The following EXPH5 variants were observed in gnomAD, a reference collection of about 807,000 sequenced individuals.
The protein encoded by EXPH5 is exophilin 5, also known as exophilin-5.
Under a neutral mutation model 41.1 loss-of-function variants are expected in EXPH5, and 42 were observed. The ratio of observed to expected loss-of-function variants is 1.02; its 90% CI spans 0.80 to 1.32. The LOEUF is 1.32. Among genes scored for constraint, EXPH5 ranks in the 40% most tolerant of loss-of-function variants. EXPH5 has a pLI of 0.00. For synonymous variants in EXPH5, 798 were observed against 833.5 expected (o/e 0.96, Z 0.73); for missense variants, 2,298 against 2,314.5 (o/e 0.99, Z 0.15).
intron 1 of EXPH5, among the ~76,000 whole-genome samples, chr11:108,577,807 A>AT (rs976185193): frequency 6.6e-6 from 1 of 151,916 alleles, no homozygotes; most frequent in African/African-American, 2.4e-5. Context: ...GATGTTTAGC[A>AT]TTTTTTCATA....
chr11:108,518,286 C>G lies in EXPH5; in HGVS notation c.580G>C (p.Gly194Arg). ...PKPAVMREES[G>R]MPPPWDASLL... ...GAAGCATCCCACGGTGGAGGCATGC[C>G]ACTCTCCTCCCTCATGACTGCTGGC... Residue 194 changes from glycine to arginine, a missense_variant, in exon 5 of 6, where the codon GGC (glycine) becomes CGC (arginine). Physicochemically the swap from Gly to Arg is moderately radical, Grantham distance 125. Transcript: ENST00000265843. 6.2e-7 allele frequency: 1 copy of G among 1,613,486 alleles called. No homozygotes were observed. The highest frequency in any genetic ancestry group is 1.7e-5 in the Admixed American group (1 of 59,998).
chr11:108,605,551 T>C, the EXPH5 span, among the ~76,000 whole-genome samples: 3 of 152,160 alleles, frequency 2.0e-5, no homozygotes, highest in African/African-American at 4.8e-5. Context: ...TCCTACATTA[T>C]ACAGGACAGC....
At chr11:108,605,335 G>A in the EXPH5 span, among the ~76,000 whole-genome samples, 9 of 152,284 alleles carry the variant, frequency 5.9e-5, no homozygotes, top group South Asian at 1.9e-3. Flanking sequence ...GAAAGTCATG[G>A]AAAATAGCTG....
At chr11:108,580,569 G>T (rs1297648120) in intron 1 of EXPH5, among the ~76,000 whole-genome samples, 1 of 152,132 alleles carries the variant, frequency 6.6e-6, no homozygotes, top group Non-Finnish European at 1.5e-5. Flanking sequence ...ATACCCAAAA[G>T]AAAGGATATC....
chr11:108,562,793 T>C (rs555154512), intron 1 of EXPH5, among the ~76,000 whole-genome samples: 69 of 152,198 alleles, frequency 4.5e-4, no homozygotes, highest in African/African-American at 1.5e-3. Flanking sequence ...TGAGATCCTG[T>C]CTCCATTTAA....
chr11:108,580,021 C>T (rs2094093153), intron 1 of EXPH5, among the ~76,000 whole-genome samples: 1 of 152,092 alleles, frequency 6.6e-6, no homozygotes, highest in Non-Finnish European at 1.5e-5. Flanking sequence ...ACCTCAAAAA[C>T]ATAGGCAACA....
Position 108,539,217 on chromosome 11 carries a change from C to CA in EXPH5, c.281-32dup, listed in dbSNP as rs778790554. ...AAAAAAAATTGTAAAAATTTTGCAT[C>CA]AATTACTTCCAAGTAAATATACTTG... is the stretch of plus-strand genomic sequence containing the variant. On this transcript the variant is annotated intron_variant, in intron 2 of 5. Coordinates refer to ENST00000265843, the MANE Select transcript of EXPH5 (RefSeq NM_015065.3). 5 of 1,442,456 alleles carry CA rather than the reference C, an allele frequency of 3.5e-6. 1 individual carries two copies. The allele number at this position is 1,442,456 out of a possible 1,614,324, so 89.4% of individuals were successfully genotyped here.
chr11:108,540,056 G>A (rs1052613315), intron 2 of EXPH5, among the ~76,000 whole-genome samples: 29 of 152,030 alleles, frequency 1.9e-4, no homozygotes, highest in Admixed American at 1.2e-3. Flanking sequence ...GGTAGCTCAC[G>A]CCTGTAATCC....
At chr11:108,525,065 T>G (rs1419913344) in intron 4 of EXPH5, among the ~76,000 whole-genome samples, 1 of 152,196 alleles carries the variant, frequency 6.6e-6, no homozygotes, top group African/African-American at 2.4e-5. Flanking sequence ...GATGGTTTTA[T>G]AAGAGGTTTT....
At chr11:108,565,376 C>A (rs2094030233) in intron 1 of EXPH5, among the ~76,000 whole-genome samples, 1 of 152,208 alleles carries the variant, frequency 6.6e-6, no homozygotes, top group Non-Finnish European at 1.5e-5. Context: ...CTATTTCACA[C>A]TAACTGGGGA....
intron 1 of EXPH5, among the ~76,000 whole-genome samples, chr11:108,591,084 G>T (rs937552020): frequency 5.3e-5 from 8 of 152,138 alleles, no homozygotes; most frequent in Admixed American, 5.2e-4. Flanking sequence ...GACCCTTATT[G>T]TTCTAGTCAA....
chr11:108,542,677 T>C (rs1378772287), intron 1 of EXPH5, among the ~76,000 whole-genome samples: 3 of 152,154 alleles, frequency 2.0e-5, no homozygotes, highest in Non-Finnish European at 2.9e-5. Context: ...AGATAAAAGC[T>C]AACATGCAGA....
At chr11:108,577,486 C>T (rs781406776) in intron 1 of EXPH5, among the ~76,000 whole-genome samples, 59 of 151,820 alleles carry the variant, frequency 3.9e-4, no homozygotes, top group Non-Finnish European at 6.3e-4. Context: ...TGCAATGGCG[C>T]GATCTCGGCT....
At chr11:108,587,125 C>A (rs1045572506) in intron 1 of EXPH5, among the ~76,000 whole-genome samples, 1 of 151,594 alleles carries the variant, frequency 6.6e-6, no homozygotes, top group Non-Finnish European at 1.5e-5. Flanking sequence ...CTTTTCTTTT[C>A]TTTTATTATT....
intron 1 of EXPH5, among the ~76,000 whole-genome samples, chr11:108,542,476 A>C (rs768969163): frequency 1.3e-5 from 2 of 152,212 alleles, no homozygotes; most frequent in Non-Finnish European, 2.9e-5. Context: ...ATGCAATTAA[A>C]TGATAGATGT....
rs866115440 is a variant in EXPH5 at position 108,511,410 on chromosome 11, A to G, written c.4097T>C (p.Ile1366Thr). 1 of 1,590,094 alleles carries G rather than the reference A, an allele frequency of 6.3e-7. No individual in the cohort carries two copies. Among genetic ancestry groups the G allele is most frequent in the Non-Finnish European group, 8.5e-7 (1 of 1,171,538 alleles). Residue 1366 changes from isoleucine (I) to threonine (T), a missense_variant, in exon 6 of 6, where the codon ATT becomes ACT. Physicochemically the swap from Ile to Thr is moderately conservative, Grantham distance 89. Transcript: ENST00000265843. Reference protein sequence around the residue: ...LPEEESKAREIFSDNLAKTPL... With the variant: ...LPEEESKARETFSDNLAKTPL... The stretch of plus-strand genomic sequence containing the variant: ...TGTTTTAGCTAAATTATCTGAAAAA[A>G]TCTCTCTAGCTTTAGATTCCTCTTC...
intron 3 of EXPH5, among the ~76,000 whole-genome samples, chr11:108,532,924 C>T (rs917091702): frequency 2.0e-5 from 3 of 152,160 alleles, no homozygotes; most frequent in African/African-American, 7.2e-5. Flanking sequence ...TAGCATTGTT[C>T]TTGTGTGTTT....
chr11:108,564,214 G>A (rs771328266), intron 1 of EXPH5, among the ~76,000 whole-genome samples: 23 of 152,114 alleles, frequency 1.5e-4, no homozygotes, highest in Non-Finnish European at 2.9e-4. Context: ...CTTGAACCCA[G>A]GAGGCAGAGG....
chr11:108,572,726 T>C (rs1288281081), intron 1 of EXPH5, among the ~76,000 whole-genome samples: 1 of 151,980 alleles, frequency 6.6e-6, no homozygotes, highest in Non-Finnish European at 1.5e-5. Context: ...GCCCAGCTAA[T>C]TTTTGTATTT....
Sources: gnomAD v4.1 joint callset for allele counts (sites outside exome capture counted in the v4.1 genomes callset) on GRCh38, gnomAD v4.1.1 for gene constraint, MANE v1.5 for transcripts, NCBI Gene and HGNC (gene_info 2026-07-23, HGNC 2026-07-21) for gene names.